RIN3: variants seen among roughly 807,000 people sequenced by gnomAD.
RIN3 encodes the protein Ras and Rab interactor 3, also known as RAB5 interacting protein 3.
RIN3 carries 54 observed loss-of-function variants against 76.3 expected under a neutral mutation model. The ratio of observed to expected loss-of-function variants is 0.71; its 90% CI spans 0.57 to 0.89. The LOEUF is 0.89. Ranked by LOEUF, RIN3 falls within the 40% of genes least tolerant of loss-of-function variation. The probability of loss-of-function intolerance (pLI) is 0.00; values close to 1 mark genes in which losing one functional copy is unlikely to be tolerated. For missense variants in RIN3, 1,256 were observed against 1,322.1 expected, an observed-to-expected ratio of 0.95 and a Z score of 0.78; for synonymous variants, 576 against 564.0, an observed-to-expected ratio of 1.02 and a Z score of -0.30.
At chr14:92,680,309 C>A (rs1414138457) in intron 8 of RIN3, among the ~76,000 whole-genome samples, 5 of 151,912 alleles carry the variant, frequency 3.3e-5, no homozygotes, top group African/African-American at 1.2e-4. Flanking sequence ...AAGCAATTCA[C>A]CTGCCTCAGG....
intron 3 of RIN3, among the ~76,000 whole-genome samples, chr14:92,595,413 C>T (rs1885118629): frequency 1.3e-5 from 2 of 152,170 alleles, no homozygotes; most frequent in African/African-American, 4.8e-5. Flanking sequence ...TTGCCCTGGG[C>T]AGATCACATC....
intron 7 of RIN3, among the ~76,000 whole-genome samples, chr14:92,673,354 C>T (rs1002887326): frequency 6.6e-6 from 1 of 152,064 alleles, no homozygotes; most frequent in African/African-American, 2.4e-5. Flanking sequence ...GTGTGCAGGT[C>T]TCTGTGTGGA....
chr14:92,566,424 A>G (rs1158612750), intron 2 of RIN3, among the ~76,000 whole-genome samples: 2 of 152,202 alleles, frequency 1.3e-5, no homozygotes, highest in Non-Finnish European at 2.9e-5. Context: ...ATTGTTAGGG[A>G]ACACATATTG....
chr14:92,536,030 C>T (rs1257592118), intron 1 of RIN3, among the ~76,000 whole-genome samples: 1 of 152,172 alleles, frequency 6.6e-6, no homozygotes, highest in East Asian at 1.9e-4. Context: ...GTGCAGAAAT[C>T]AGGTGACTGT....
At chr14:92,687,786 C>T (rs1244731344) in intron 9 of RIN3, 140 bp from the exon 10 acceptor site, 2 of 733,848 alleles carry the variant, frequency 2.7e-6, no homozygotes, top group Admixed American at 3.6e-5. Context: ...GCGGCAGAGA[C>T]GGGAAAGGCG....
chr14:92,605,966 A>G (rs927751370), intron 3 of RIN3, among the ~76,000 whole-genome samples: 6 of 152,164 alleles, frequency 3.9e-5, no homozygotes, highest in African/African-American at 1.4e-4. Context: ...ACAAGCTTGG[A>G]TAGCACTATT....
chr14:92,623,166 C>A lies in RIN3; in HGVS notation c.440+7687C>A, dbSNP rs1945219294. The stretch of plus-strand genomic sequence containing the variant: ...CATCCTGTGAAAGGGTCAGTTATCC[C>A]AGAATTTGTGGCTAATTCATCTGAT... On this transcript the variant is annotated intron_variant, in intron 4 of 9. Transcript: ENST00000216487. The surrounding 1 kb of genome is among the most constrained non-coding windows in gnomAD (Gnocchi z 4.9). Among the ~76,000 whole-genome samples the A allele has an allele frequency of 6.6e-6, 1 of 152,226 alleles. No homozygotes were observed. Among genetic ancestry groups the A allele is most frequent in the African/African-American group, 2.4e-5 (1 of 41,452 alleles).
intron 1 of RIN3, among the ~76,000 whole-genome samples, chr14:92,547,017 TA>T (rs1312499597): frequency 6.9e-6 from 1 of 144,012 alleles, no homozygotes; most frequent in Admixed American, 7.0e-5. Flanking sequence ...ATTTTATTAT[TA>T]ATATAATTAT....
At chr14:92,571,499 T>C (rs979671976) in intron 2 of RIN3, among the ~76,000 whole-genome samples, 2 of 152,122 alleles carry the variant, frequency 1.3e-5, no homozygotes, top group African/African-American at 4.8e-5. Flanking sequence ...GTCCCAATTA[T>C]TTTAAGTTTG....
At chr14:92,660,639 G>A (rs951991352) in intron 7 of RIN3, among the ~76,000 whole-genome samples, 25 of 152,376 alleles carry the variant, frequency 1.6e-4, no homozygotes, top group Middle Eastern at 3.4e-3. Flanking sequence ...CTGGCATGAT[G>A]TCACTCTGAT....
chr14:92,666,248 A>G (rs1401943920), intron 7 of RIN3, among the ~76,000 whole-genome samples: 1 of 152,216 alleles, frequency 6.6e-6, no homozygotes, highest in Non-Finnish European at 1.5e-5. Context: ...CCCGCTTGAA[A>G]GGGGAATAAA....
At chr14:92,544,861 G>C (rs1897220768) in intron 1 of RIN3, among the ~76,000 whole-genome samples, 1 of 152,078 alleles carries the variant, frequency 6.6e-6, no homozygotes, top group Non-Finnish European at 1.5e-5. Flanking sequence ...AATCATTGCA[G>C]AACTGGTTGA....
intron 1 of RIN3, among the ~76,000 whole-genome samples, chr14:92,520,610 AG>A (rs1268611007): frequency 1.3e-5 from 2 of 152,230 alleles, no homozygotes; most frequent in Non-Finnish European, 2.9e-5. Context: ...AGCTGGAGAG[AG>A]GGGTGGACAG....
intron 7 of RIN3, among the ~76,000 whole-genome samples, chr14:92,670,549 C>A (rs912929773): frequency 6.6e-6 from 1 of 152,288 alleles, no homozygotes; most frequent in African/African-American, 2.4e-5. Context: ...TGGGCTGGGA[C>A]CCAGTGCGTT....
chr14:92,561,042 A>AT (rs1461986249), intron 2 of RIN3, among the ~76,000 whole-genome samples: 1,084 of 19,208 alleles, frequency 0.056, 89 homozygotes, highest in Non-Finnish European at 0.088. Context: ...AAAAAAAAAA[A>AT]AAATATATAT....
rs1272390811 is a variant in RIN3, at chr14:92,681,344, T to A, written c.2468-3643T>A. The stretch of plus-strand genomic sequence containing the variant: ...AGAAGTCAGACTCCAGCACCAAGAG[T>A]GCAGCAGTAGGGCGTGGCTGCTCCC... On this transcript the variant is annotated intron_variant, in intron 8 of 9. Transcript: ENST00000216487. This position sits in a 1 kb window ranked among gnomAD's most constrained non-coding sequence, Gnocchi z 4.7. Among the ~76,000 whole-genome samples the A allele has an allele frequency of 2.0e-5, 3 of 151,732 alleles. No individual in the cohort carries two copies. The highest frequency in any genetic ancestry group is 4.4e-5 in the Non-Finnish European group (3 of 67,952).
At chr14:92,573,453 A>G (rs937590547) in intron 2 of RIN3, among the ~76,000 whole-genome samples, 1 of 151,402 alleles carries the variant, frequency 6.6e-6, no homozygotes, top group Non-Finnish European at 1.5e-5. Context: ...TGGCCATGTG[A>G]TTGAACTCAA....
chr14:92,677,823 T>C lies in RIN3; in HGVS notation c.2467+1217T>C, dbSNP rs1298510369. 3.3e-5 allele frequency among the ~76,000 whole-genome samples: 5 copies of C among 151,264 alleles called. 1 individual carries two copies. The highest frequency in any genetic ancestry group is 1.2e-4 in the African/African-American group (5 of 41,142). ...ACCCATCCATCCATGCATCCACTCA[T>C]CCACCTACCCACCCATCTACCCATC... On this transcript the variant is annotated intron_variant, in intron 8 of 9. Transcript: ENST00000216487.
chr14:92,659,846 A>T lies in RIN3; in HGVS notation c.2335+377A>T, dbSNP rs556625854. The stretch of plus-strand genomic sequence containing the variant: ...TTGGAGGCTGGAAGGTTCAAGATGA[A>T]GGTGTGGGCATGGCTGTGCTCCCTC... On this transcript the variant is annotated intron_variant, in intron 7 of 9. Transcript: ENST00000216487. Among the ~76,000 whole-genome samples, 154 of 152,332 alleles carry T rather than the reference A, an allele frequency of 1.0e-3. 1 individual carries two copies. Among genetic ancestry groups the T allele is most frequent in the Middle Eastern group, 3.4e-3 (1 of 294 alleles).
Sources: gnomAD v4.1 joint callset for allele counts (sites outside exome capture counted in the v4.1 genomes callset) on GRCh38, gnomAD v4.1.1 for gene constraint, Gnocchi (gnomAD v3.1) non-coding constraint, MANE v1.5 for transcripts, NCBI Gene and HGNC (gene_info 2026-07-23, HGNC 2026-07-21) for gene names.